NEDD4: variants seen among roughly 807,000 people sequenced by gnomAD.
The protein encoded by NEDD4 is NEDD4 E3 ubiquitin protein ligase, also known as E3 ubiquitin-protein ligase NEDD4.
NEDD4 carries 99 observed loss-of-function variants against 144.9 expected under a neutral mutation model. The ratio of observed to expected loss-of-function variants is 0.68; its 90% CI spans 0.58 to 0.81. The LOEUF (loss-of-function observed/expected upper bound fraction) is 0.81, where lower values mean the gene tolerates loss of function less well. Among genes scored for constraint, NEDD4 ranks in the 30% least tolerant of loss-of-function variants. The pLI is 0.00. For synonymous variants in NEDD4, 318 were observed against 350.6 expected (o/e 0.91, Z 1.04); for missense variants, 985 against 1,065.9 (o/e 0.92, Z 1.06).
intron 2 of NEDD4, among the ~76,000 whole-genome samples, chr15:55,958,133 TGTC>T (rs139422357): frequency 0.13 from 20,376 of 152,106 alleles, 1,467 homozygotes; most frequent in East Asian, 0.32. Context: ...AAAAGATGAC[TGTC>T]TTCTTTTATT....
intron 5 of NEDD4, among the ~76,000 whole-genome samples, chr15:55,920,893 C>G (rs958452287): frequency 7.9e-5 from 12 of 152,126 alleles, no homozygotes; most frequent in African/African-American, 2.9e-4. Flanking sequence ...TAGAATGACA[C>G]ACACCACCAT....
intron 1 of NEDD4, among the ~76,000 whole-genome samples, chr15:55,991,740 A>G (rs2037991267): frequency 2.0e-5 from 3 of 152,238 alleles, no homozygotes; most frequent in South Asian, 4.1e-4. Context: ...CAGGAAATCC[A>G]CATTTCAAAG....
intron 6 of NEDD4, 127 bp downstream of exon 6, chr15:55,873,831 T>C (rs1465101010): frequency 3.0e-5 from 13 of 433,160 alleles, no homozygotes; most frequent in Non-Finnish European, 4.9e-5. Flanking sequence ...GAAAACAGTA[T>C]GCTCAATAAA....
At chr15:55,900,274 C>A (rs186257690) in intron 5 of NEDD4, among the ~76,000 whole-genome samples, 1 of 152,110 alleles carries the variant, frequency 6.6e-6, no homozygotes, top group Non-Finnish European at 1.5e-5. Flanking sequence ...TGTTTTAGAG[C>A]GCATGGGAGC....
intron 5 of NEDD4, among the ~76,000 whole-genome samples, chr15:55,877,624 T>C (rs1401475300): frequency 6.6e-6 from 1 of 152,188 alleles, no homozygotes; most frequent in Non-Finnish European, 1.5e-5. Context: ...TTAGCATCCA[T>C]TGATGATTCT....
intron 1 of NEDD4, among the ~76,000 whole-genome samples, chr15:55,967,975 C>G (rs2037545320): frequency 6.6e-6 from 1 of 152,006 alleles, no homozygotes; most frequent in African/African-American, 2.4e-5. Context: ...TGCACTCCAG[C>G]CTGGGTGACA....
At chr15:55,922,614 C>G (rs1455461400) in intron 5 of NEDD4, among the ~76,000 whole-genome samples, 1 of 152,166 alleles carries the variant, frequency 6.6e-6, no homozygotes, top group Non-Finnish European at 1.5e-5. Context: ...CCACCTAACT[C>G]GGCCTCCCAA....
At chr15:55,943,454 C>A (rs1167583227) in intron 4 of NEDD4, among the ~76,000 whole-genome samples, 1 of 152,168 alleles carries the variant, frequency 6.6e-6, no homozygotes, top group African/African-American at 2.4e-5. Context: ...CTCTCTGAGT[C>A]CCAGCCACTC....
At chr15:55,854,518 G>C (rs1384086352) in intron 12 of NEDD4, among the ~76,000 whole-genome samples, 1 of 152,122 alleles carries the variant, frequency 6.6e-6, no homozygotes, top group Non-Finnish European at 1.5e-5. Context: ...GGTCAGACAC[G>C]TAAGCCCACA....
chr15:55,993,523 G>A lies in NEDD4; in HGVS notation c.33C>T (p.Leu11=), dbSNP rs77914199. The A allele has an allele frequency of 0.048, 77,183 of 1,597,858 alleles. 2,757 individuals carry two copies. Among genetic ancestry groups the A allele is most frequent in the East Asian group, 0.16 (6,684 of 42,764 alleles). ...GCGGTCCCCGCACCTCGTCCTCCAG[G>A]AGCCCGAACACCTCCACCGCGCAAG... MATCAVEVFG[L]LEDEENSRIV... Residue 11 remains leucine (L), a synonymous_variant, in exon 1 of 29, where the codon CTC becomes CTT. Coordinates refer to ENST00000435532, the MANE Select transcript of NEDD4 (RefSeq NM_006154.4).
At chr15:55,881,744 G>A (rs1347026579) in intron 5 of NEDD4, among the ~76,000 whole-genome samples, 1 of 152,084 alleles carries the variant, frequency 6.6e-6, no homozygotes, top group Non-Finnish European at 1.5e-5. Flanking sequence ...TTGTGACCCT[G>A]CAGTGCTTAA....
At chr15:55,928,098 C>T (rs1241649483) in intron 4 of NEDD4, among the ~76,000 whole-genome samples, 5 of 152,138 alleles carry the variant, frequency 3.3e-5, no homozygotes, top group African/African-American at 9.7e-5. Context: ...CAACCTCCGT[C>T]TCCTGGGTTC....
At chr15:55,989,653 C>CT (rs1356423798) in intron 1 of NEDD4, among the ~76,000 whole-genome samples, 1 of 152,206 alleles carries the variant, frequency 6.6e-6, no homozygotes, top group Non-Finnish European at 1.5e-5. Context: ...ACTCTTTCCT[C>CT]TTTATTTCCT....
chr15:55,884,715 A>G (rs2035324443), intron 5 of NEDD4, among the ~76,000 whole-genome samples: 3 of 152,156 alleles, frequency 2.0e-5, no homozygotes, highest in Non-Finnish European at 4.4e-5. Flanking sequence ...AAGAAAGAAT[A>G]GTGAATTTTA....
chr15:55,940,483 C>T (rs936189248), intron 4 of NEDD4, among the ~76,000 whole-genome samples: 3 of 150,262 alleles, frequency 2.0e-5, no homozygotes, highest in African/African-American at 7.3e-5. Flanking sequence ...AGTCCTTCCT[C>T]CCTCTCTCCC....
chr15:55,979,773 C>T (rs1310979114), intron 1 of NEDD4, among the ~76,000 whole-genome samples: 1 of 152,164 alleles, frequency 6.6e-6, no homozygotes, highest in African/African-American at 2.4e-5. Flanking sequence ...TGAAATTAAT[C>T]TTCTCATTGT....
In NEDD4 at chr15:55,842,151, T is replaced by C. The variant is rs771639455; in HGVS notation, c.1621A>G (p.Asn541Asp). The change falls in exon 19 of 29, where the codon AAC becomes GAC. Residue 541 changes from asparagine to aspartate, a missense_variant. By Grantham distance (23) the Asn-to-Asp change is conservative. Coordinates refer to ENST00000435532, the MANE Select transcript of NEDD4 (RefSeq NM_006154.4). ...CGGCGAAGTTTCATTTCAAATTTGT[T>C]TGGAATGTCATTCTGAAAATCCAGA... The part of the protein sequence containing the change: ...RKLKKQNDIP[N>D]KFEMKLRRAT... 1.2e-6 allele frequency: 2 copies of C among 1,614,138 alleles called. No individual in the cohort carries two copies. The highest frequency in any genetic ancestry group is 3.3e-5 in the Admixed American group (2 of 60,026).
At chr15:55,905,402 C>T in intron 5 of NEDD4, 1 of 399,404 alleles carries the variant, frequency 2.5e-6, no homozygotes, top group Non-Finnish European at 4.9e-6. Context: ...TTGAAAAGCC[C>T]AACATAATTA....
chr15:55,960,411 C>G (rs2102465), intron 2 of NEDD4, among the ~76,000 whole-genome samples: 1 of 152,018 alleles, frequency 6.6e-6, no homozygotes, highest in Admixed American at 6.5e-5. Context: ...ATCTTTCTCT[C>G]GTGCTGGATG....
Sources: gnomAD v4.1 joint callset for allele counts (sites outside exome capture counted in the v4.1 genomes callset) on GRCh38, gnomAD v4.1.1 for gene constraint, MANE v1.5 for transcripts, NCBI Gene and HGNC (gene_info 2026-07-23, HGNC 2026-07-21) for gene names.